Variants in DNAAF11 observed in about 807,000 individuals in gnomAD.
DNAAF11 encodes leucine rich repeat containing 6.
DNAAF11 carries 45 observed loss-of-function variants against 60.8 expected under a neutral mutation model. That is an observed-to-expected ratio of 0.74 (90% CI 0.58 to 0.95). The LOEUF (loss-of-function observed/expected upper bound fraction) is 0.95. DNAAF11 is among the 40% of genes least tolerant of loss of function. DNAAF11 has a pLI of 0.00. For synonymous variants in DNAAF11, 191 were observed against 183.5 expected (o/e 1.04, Z -0.33); for missense variants, 546 against 546.2 (o/e 1.00, Z 0.00).
chr8:132,622,718 G>A, intron 6 of DNAAF11, 30 bp from the exon 7 acceptor site: 1 of 1,435,918 alleles, frequency 7.0e-7, no homozygotes, highest in Non-Finnish European at 9.7e-7. Flanking sequence ...GAGAACAATG[G>A]GCAGCATGGA....
Position 132,582,897 on chromosome 8 carries a change from T to C in DNAAF11, c.1226+797A>G, listed in dbSNP as rs73710293. On this transcript the variant is annotated intron_variant, in intron 11 of 11. Transcript: ENST00000620350. ...GAAGCAGAAGGACAGTTGGAAGAACTGGGATCTCATTCTAGAGAAGAACTG... is the reference window on the plus strand; with the variant it reads ...GAAGCAGAAGGACAGTTGGAAGAACCGGGATCTCATTCTAGAGAAGAACTG... Among the ~76,000 whole-genome samples, 1,095 of 152,298 alleles carry C rather than the reference T, an allele frequency of 7.2e-3. 16 individuals carry two copies. The highest frequency in any genetic ancestry group is 0.025 in the African/African-American group (1,035 of 41,558).
Position 132,578,543 on chromosome 8 carries a change from C to T in DNAAF11, c.1226+5151G>A, listed in dbSNP as rs116993643. 6,089 of 1,366,890 alleles carry T rather than the reference C, an allele frequency of 4.5e-3. 20 individuals are homozygous for T. The highest frequency in any genetic ancestry group is 0.014 in the Middle Eastern group (77 of 5,642). 84.7% of individuals were successfully genotyped at this position (1,366,890 alleles called of 1,614,324 possible). The stretch of plus-strand genomic sequence containing the variant: ...TGGAAGACAAAATCAACAGATTTAA[C>T]ATCATGGAAGTAAGCAAGAAAAAAG... On this transcript the variant is annotated intron_variant, in intron 11 of 11. Transcript: ENST00000620350.
At chr8:132,625,200 AAAAATGGGC>A in intron 6 of DNAAF11, 63 bp downstream of exon 6, 2 of 1,217,756 alleles carry the variant, frequency 1.6e-6, no homozygotes, top group Non-Finnish European at 2.3e-6. Flanking sequence ...TAATGGGTCA[AAAAATGGGC>A]AATCATAAAA....
the DNAAF11 span, among the ~76,000 whole-genome samples, chr8:132,695,975 T>C: frequency 6.6e-6 from 1 of 152,140 alleles, no homozygotes; most frequent in Non-Finnish European, 1.5e-5. Context: ...ATCCCAGTCA[T>C]TGAAAAATTA....
At chr8:132,601,486 C>T (rs930966595) in intron 10 of DNAAF11, among the ~76,000 whole-genome samples, 1 of 152,100 alleles carries the variant, frequency 6.6e-6, no homozygotes, top group Non-Finnish European at 1.5e-5. Flanking sequence ...ATGTTTATTG[C>T]AGCACTATTC....
At chr8:132,640,776 T>C (rs1240071235) in intron 3 of DNAAF11, among the ~76,000 whole-genome samples, 1 of 152,084 alleles carries the variant, frequency 6.6e-6, no homozygotes, top group Non-Finnish European at 1.5e-5. Context: ...ATAAACTGAT[T>C]ATATCCAAGA....
At chr8:132,625,648 T>C (rs1044327882) in intron 5 of DNAAF11, among the ~76,000 whole-genome samples, 194 bp from the exon 6 acceptor site, 1 of 152,230 alleles carries the variant, frequency 6.6e-6, no homozygotes, top group African/African-American at 2.4e-5. Context: ...CCAAGGCTGT[T>C]AGCACTCATT....
At position 132,656,844 on chromosome 8, in the gene DNAAF11, A is replaced by G. The variant is rs755918119; in HGVS notation, c.242T>C (p.Ile81Thr). 1 of 1,340,634 alleles carries G rather than the reference A, an allele frequency of 7.5e-7. No individual in the cohort carries two copies. Among genetic ancestry groups the G allele is most frequent in the Non-Finnish European group, 1.0e-6 (1 of 955,478 alleles). 83.0% of individuals were successfully genotyped at this position (1,340,634 alleles called of 1,614,324 possible). Residue 81 changes from isoleucine to threonine, a missense_variant, in exon 3 of 12, where the codon ATA becomes ACA. Transcript: ENST00000620350. ...AACAGTCTTACCTTCCAAGTTTTCT[A>G]TTTTTTCAATGTTGTTTAAAGCTAA... ...LNLALNNIEK[I>T]ENLEGCEELA... is the part of the protein sequence containing the mutation.
At chr8:132,650,043 A>G (rs1179865302) in intron 3 of DNAAF11, among the ~76,000 whole-genome samples, 1 of 152,262 alleles carries the variant, frequency 6.6e-6, no homozygotes, top group Admixed American at 6.5e-5. Flanking sequence ...ATTATAAATC[A>G]TGCTGCTATA....
At chr8:132,639,341 G>A (rs1263920526) in intron 3 of DNAAF11, among the ~76,000 whole-genome samples, 1 of 152,172 alleles carries the variant, frequency 6.6e-6, no homozygotes, top group African/African-American at 2.4e-5. Context: ...AACCTCCAAT[G>A]TCTAGAAAGC....
chr8:132,679,829 A>C (rs536921452), upstream of DNAAF11, among the ~76,000 whole-genome samples: 4 of 152,208 alleles, frequency 2.6e-5, no homozygotes, highest in African/African-American at 9.6e-5. Flanking sequence ...TTCTGCCATG[A>C]TTGTGAGGCC....
At chr8:132,650,901 C>T (rs763519297) in intron 3 of DNAAF11, among the ~76,000 whole-genome samples, 1 of 152,168 alleles carries the variant, frequency 6.6e-6, no homozygotes, top group African/African-American at 2.4e-5. Context: ...ATAAAAAACC[C>T]TCCAAATGTT....
At chr8:132,667,846 C>T (rs999334631) in intron 1 of DNAAF11, among the ~76,000 whole-genome samples, 3 of 152,078 alleles carry the variant, frequency 2.0e-5, no homozygotes, top group African/African-American at 4.8e-5. Flanking sequence ...ACAGAGGGCA[C>T]GGTGAGGAGG....
chr8:132,675,677 G>A (rs1825731128), upstream of DNAAF11: 1 of 521,552 alleles, frequency 1.9e-6, no homozygotes, highest in Non-Finnish European at 3.4e-6. Context: ...AGCAAGCAGA[G>A]GAGACCGCAG....
At chr8:132,576,537 G>C (rs1195529654) in intron 11 of DNAAF11, among the ~76,000 whole-genome samples, 1 of 152,132 alleles carries the variant, frequency 6.6e-6, no homozygotes, top group African/African-American at 2.4e-5. Flanking sequence ...GAACTGAAAG[G>C]GATGTGTTGT....
the DNAAF11 span, among the ~76,000 whole-genome samples, chr8:132,691,450 G>T: frequency 6.6e-6 from 1 of 152,052 alleles, no homozygotes; most frequent in South Asian, 2.1e-4. Context: ...ATTCTCCAAG[G>T]ATCCTTGGTT....
At position 132,635,257 on chromosome 8, in the gene DNAAF11, T is replaced by C. The variant is rs73356809; in HGVS notation, c.430-2294A>G. Among the ~76,000 whole-genome samples, 952 of 152,266 alleles carry C rather than the reference T, an allele frequency of 6.3e-3. 6 individuals carry two copies. The highest frequency in any genetic ancestry group is 0.022 in the African/African-American group (908 of 41,554). On this transcript the variant is annotated intron_variant, in intron 4 of 11. Coordinates refer to ENST00000620350, the MANE Select transcript of DNAAF11 (RefSeq NM_012472.6). ...TAAGCTGAGCGTTTCTTGATCTTTC[T>C]TCACCCAGGATTCCTGCAGCACAAA... is the stretch of plus-strand genomic sequence containing the variant.
intron 3 of DNAAF11, among the ~76,000 whole-genome samples, chr8:132,645,127 G>C (rs926079792): frequency 3.3e-5 from 5 of 152,144 alleles, no homozygotes; most frequent in Non-Finnish European, 7.3e-5. Flanking sequence ...GCCCCTCTGA[G>C]ACAAAGCTTC....
At chr8:132,654,681 G>A (rs1447191799) in intron 3 of DNAAF11, among the ~76,000 whole-genome samples, 3 of 147,796 alleles carry the variant, frequency 2.0e-5, no homozygotes, top group African/African-American at 7.5e-5. Context: ...TAACTAATAG[G>A]TTAAAGAAAA....
Sources: gnomAD v4.1 joint callset for allele counts (sites outside exome capture counted in the v4.1 genomes callset) on GRCh38, gnomAD v4.1.1 for gene constraint, MANE v1.5 for transcripts, NCBI Gene and HGNC (gene_info 2026-07-23, HGNC 2026-07-21) for gene names.